DYNC1I1: variants seen among roughly 807,000 people sequenced by gnomAD.
DYNC1I1 encodes the protein dynein cytoplasmic 1 intermediate chain 1, also known as cytoplasmic dynein 1 intermediate chain 1.
DYNC1I1 carries 43 observed loss-of-function variants against 86.6 expected under a neutral mutation model. The observed-to-expected ratio is 0.50, with a 90% CI of 0.39 to 0.64. DYNC1I1 has a LOEUF of 0.64. DYNC1I1 is among the 30% of genes least tolerant of loss of function. The pLI, the probability that DYNC1I1 is intolerant of heterozygous loss-of-function variation, is 0.00. For missense variants in DYNC1I1, 604 were observed against 788.8 expected, an observed-to-expected ratio of 0.77 and a Z score of 2.81; for synonymous variants, 262 against 283.7, an observed-to-expected ratio of 0.92 and a Z score of 0.77.
chr7:95,812,577 A>G (rs1794853840), intron 3 of DYNC1I1, among the ~76,000 whole-genome samples: 1 of 152,224 alleles, frequency 6.6e-6, no homozygotes, highest in South Asian at 2.1e-4. Context: ...TCCCAAAGAC[A>G]GTAAACAGTA....
intron 10 of DYNC1I1, among the ~76,000 whole-genome samples, chr7:96,003,955 A>T (rs1794079013): frequency 1.3e-5 from 2 of 152,148 alleles, no homozygotes; most frequent in Admixed American, 1.3e-4. Flanking sequence ...GGCTTTTTGA[A>T]CACACTGTGT....
At chr7:95,983,740 T>G (rs1351111202) in intron 7 of DYNC1I1, among the ~76,000 whole-genome samples, 1 of 152,164 alleles carries the variant, frequency 6.6e-6, no homozygotes, top group Non-Finnish European at 1.5e-5. Flanking sequence ...AGGATGGTTG[T>G]GGAAGTGCTT....
intron 5 of DYNC1I1, among the ~76,000 whole-genome samples, chr7:95,842,888 G>T (rs925996762): frequency 1.8e-5 from 2 of 109,214 alleles, no homozygotes; most frequent in African/African-American, 1.0e-4. Context: ...TAGACATTGT[G>T]AATTTTTTTT....
chr7:96,009,889 C>T (rs945458415), intron 10 of DYNC1I1, among the ~76,000 whole-genome samples: 1 of 151,970 alleles, frequency 6.6e-6, no homozygotes, highest in Non-Finnish European at 1.5e-5. Context: ...AAGCGATTCT[C>T]CTGCCTCAGC....
At chr7:95,822,442 A>G (rs1004549412) in intron 4 of DYNC1I1, among the ~76,000 whole-genome samples, 3 of 152,342 alleles carry the variant, frequency 2.0e-5, no homozygotes, top group Non-Finnish European at 4.4e-5. Context: ...AAGGTGCCAG[A>G]GGCTACAATG....
chr7:95,985,990 C>T (rs1426867688), intron 8 of DYNC1I1, among the ~76,000 whole-genome samples: 2 of 146,982 alleles, frequency 1.4e-5, no homozygotes, highest in South Asian at 2.2e-4. Context: ...CTCTGTGTGC[C>T]TGGCTCAGTA....
At chr7:95,785,802 TA>T (rs1241023166) in intron 1 of DYNC1I1, among the ~76,000 whole-genome samples, 1 of 124,480 alleles carries the variant, frequency 8.0e-6, no homozygotes, top group Non-Finnish European at 1.6e-5. Flanking sequence ...TATATATATA[TA>T]TATATATATA....
intron 6 of DYNC1I1, among the ~76,000 whole-genome samples, chr7:95,954,605 C>T (rs541278833): frequency 2.7e-4 from 41 of 152,094 alleles, no homozygotes; most frequent in African/African-American, 9.6e-4. Context: ...TGTTAAATGT[C>T]TTCTTGTTTA....
chr7:95,811,981 C>T (rs1794840824), intron 3 of DYNC1I1, among the ~76,000 whole-genome samples: 1 of 152,100 alleles, frequency 6.6e-6, no homozygotes, highest in African/African-American at 2.4e-5. Context: ...ATCTCTAAAC[C>T]ATGACCAACT....
At chr7:96,040,640 ATG>A (rs1388695552) in intron 14 of DYNC1I1, among the ~76,000 whole-genome samples, 9 of 152,056 alleles carry the variant, frequency 5.9e-5, no homozygotes, top group Admixed American at 6.6e-5. Flanking sequence ...GCAGTTTGAT[ATG>A]TGAGTCAGAA....
At chr7:96,001,853 C>T (rs527836875) in intron 10 of DYNC1I1, among the ~76,000 whole-genome samples, 3 of 152,050 alleles carry the variant, frequency 2.0e-5, no homozygotes, top group Admixed American at 6.5e-5. Context: ...TGAATTTGGT[C>T]GTGGTGGGGG....
intron 6 of DYNC1I1, 100 bp downstream of exon 6, chr7:95,870,098 A>G (rs1790123644): frequency 3.9e-6 from 4 of 1,021,902 alleles, no homozygotes; most frequent in Non-Finnish European, 5.6e-6. Flanking sequence ...AGAGCTCTTC[A>G]TGGGATACAA....
chr7:96,031,701 G>A (rs891385394), intron 11 of DYNC1I1, among the ~76,000 whole-genome samples: 1 of 152,074 alleles, frequency 6.6e-6, no homozygotes, highest in Non-Finnish European at 1.5e-5. Context: ...TGTAGTTGTG[G>A]CTAGGTATTA....
chr7:96,075,049 A>G (rs1790289271), intron 14 of DYNC1I1, among the ~76,000 whole-genome samples: 1 of 152,218 alleles, frequency 6.6e-6, no homozygotes, highest in Non-Finnish European at 1.5e-5. Context: ...TTCATTTTAC[A>G]TTAATTGATC....
chr7:95,799,891 C>T (rs1194038298), intron 1 of DYNC1I1, among the ~76,000 whole-genome samples: 1 of 151,186 alleles, frequency 6.6e-6, no homozygotes, highest in Admixed American at 6.6e-5. Flanking sequence ...AATTAGGGTG[C>T]AATTGGTGAT....
At chr7:96,040,322 C>T (rs144534932) in intron 14 of DYNC1I1, among the ~76,000 whole-genome samples, 167 of 152,162 alleles carry the variant, frequency 1.1e-3, no homozygotes, top group African/African-American at 3.6e-3. Context: ...GCTGAGACCA[C>T]TTGGAAGGAA....
chr7:95,946,313 A>T (rs996575492), intron 6 of DYNC1I1, among the ~76,000 whole-genome samples: 3 of 152,154 alleles, frequency 2.0e-5, no homozygotes, highest in African/African-American at 7.2e-5. Context: ...AAATAAAATT[A>T]AAAATATATA....
intron 5 of DYNC1I1, among the ~76,000 whole-genome samples, chr7:95,842,856 T>C (rs979143440): frequency 6.6e-6 from 1 of 150,926 alleles, no homozygotes. Flanking sequence ...CTCCTGCATG[T>C]TTGGTAATTT....
chr7:95,946,000 C>T (rs1792388463), intron 6 of DYNC1I1, among the ~76,000 whole-genome samples: 1 of 152,060 alleles, frequency 6.6e-6, no homozygotes, highest in African/African-American at 2.4e-5. Flanking sequence ...ATGTCCTTTG[C>T]AGGGACATGG....
Sources: gnomAD v4.1 joint callset for allele counts (sites outside exome capture counted in the v4.1 genomes callset) on GRCh38, gnomAD v4.1.1 for gene constraint, MANE v1.5 for transcripts, NCBI Gene and HGNC (gene_info 2026-07-23, HGNC 2026-07-21) for gene names.